The following TBC1D5 variants were observed in gnomAD, a reference collection of about 807,000 sequenced individuals.
TBC1D5 encodes the protein TBC1 domain family member 5.
TBC1D5 carries 75 observed loss-of-function variants against 100.3 expected under a neutral mutation model. The observed-to-expected ratio is 0.75, with a 90% confidence interval of 0.62 to 0.91. TBC1D5 has a LOEUF of 0.91. Among genes scored for constraint, TBC1D5 ranks in the 40% least tolerant of loss-of-function variants. The pLI is 0.00. For missense variants in TBC1D5, 910 were observed against 942.4 expected (o/e 0.97, Z 0.45); for synonymous variants, 323 against 325.6 (o/e 0.99, Z 0.09).
chr3:17,220,868 A>G (rs1028977436), intron 17 of TBC1D5, among the ~76,000 whole-genome samples: 1 of 152,160 alleles, frequency 6.6e-6, no homozygotes. Context: ...TTTGATTCAC[A>G]AGGCTTTTTG....
Position 17,721,460 on chromosome 3 carries a change from T to C in TBC1D5, c.-101+17883A>G, listed in dbSNP as rs199674336. On this transcript the variant is annotated intron_variant, in intron 1 of 21. Transcript: ENST00000253692. ...ACAGAAAAGTAAGTGTGTGAGAGCA[T>C]GTGTGTGTGTGTGTGTGTGTGTGTG... 1.3e-3 allele frequency among the ~76,000 whole-genome samples: 32 copies of C among 25,226 alleles called. No homozygotes were observed. The East Asian group carries it at 0.35, about 273-fold the overall frequency. 16.5% of individuals were successfully genotyped at this position (25,226 alleles called of 152,430 possible).
chr3:17,440,427 A>G (rs1018655755), intron 3 of TBC1D5, among the ~76,000 whole-genome samples: 6 of 152,082 alleles, frequency 3.9e-5, no homozygotes, highest in African/African-American at 1.4e-4. Flanking sequence ...GGAGTTTGAG[A>G]CCAGCCTGGG....
At chr3:17,160,556 C>T (rs759516840) in exon 22 of TBC1D5, 7 of 169,412 alleles carry the variant, frequency 4.1e-5, no homozygotes, top group Non-Finnish European at 6.4e-5. Flanking sequence ...ATAGAAGATA[C>T]GAAAATAACT....
intron 2 of TBC1D5, among the ~76,000 whole-genome samples, chr3:17,581,295 C>A (rs2096694436): frequency 6.6e-6 from 1 of 152,198 alleles, no homozygotes. Flanking sequence ...AGTATTTCTT[C>A]ATAGCAGTAT....
intron 1 of TBC1D5, among the ~76,000 whole-genome samples, chr3:17,689,038 T>C (rs1210487263): frequency 2.0e-5 from 3 of 152,216 alleles, no homozygotes; most frequent in Non-Finnish European, 4.4e-5. Context: ...TTACCATTAA[T>C]AGAGTCTCAT....
At chr3:17,508,267 T>A (rs2095864219) in intron 3 of TBC1D5, among the ~76,000 whole-genome samples, 1 of 152,240 alleles carries the variant, frequency 6.6e-6, no homozygotes, top group African/African-American at 2.4e-5. Flanking sequence ...AACATTTGGC[T>A]AATGCTTCCA....
intron 2 of TBC1D5, among the ~76,000 whole-genome samples, chr3:17,518,664 G>A (rs1439068220): frequency 6.6e-6 from 1 of 152,238 alleles, no homozygotes; most frequent in Non-Finnish European, 1.5e-5. Flanking sequence ...ACAAAAGGCT[G>A]TCACACTGAT....
intron 16 of TBC1D5, among the ~76,000 whole-genome samples, chr3:17,256,278 A>G (rs1176147436): frequency 6.6e-6 from 1 of 151,754 alleles, no homozygotes; most frequent in Non-Finnish European, 1.5e-5. Flanking sequence ...TTCAATTACT[A>G]CATTTTATTT....
chr3:17,369,514 C>T (rs2092353855), intron 13 of TBC1D5, among the ~76,000 whole-genome samples: 1 of 152,098 alleles, frequency 6.6e-6, no homozygotes, highest in African/African-American at 2.4e-5. Context: ...GCCTATGCTT[C>T]TATCTACCGT....
At chr3:17,314,378 C>T (rs2084407637) in intron 13 of TBC1D5, among the ~76,000 whole-genome samples, 1 of 152,112 alleles carries the variant, frequency 6.6e-6, no homozygotes, top group African/African-American at 2.4e-5. Flanking sequence ...CCTGGGCTTC[C>T]CCTATCTCTC....
At chr3:17,325,894 A>G (rs1005631113) in intron 13 of TBC1D5, among the ~76,000 whole-genome samples, 1 of 152,188 alleles carries the variant, frequency 6.6e-6, no homozygotes. Context: ...AATGACCTAT[A>G]CAGGAAAATT....
intron 13 of TBC1D5, among the ~76,000 whole-genome samples, chr3:17,368,046 A>G: frequency 2.0e-5 from 3 of 152,244 alleles, no homozygotes; most frequent in Non-Finnish European, 4.4e-5. Context: ...TATTTAACCT[A>G]AAATACAGGT....
At chr3:17,224,723 T>C (rs1032399020) in intron 17 of TBC1D5, among the ~76,000 whole-genome samples, 2 of 152,188 alleles carry the variant, frequency 1.3e-5, no homozygotes, top group African/African-American at 4.8e-5. Flanking sequence ...TATCAATTCT[T>C]TACTGTATGA....
intron 1 of TBC1D5, among the ~76,000 whole-genome samples, chr3:17,709,814 A>T (rs913546587): frequency 2.0e-5 from 3 of 152,318 alleles, no homozygotes; most frequent in East Asian, 3.9e-4. Flanking sequence ...CCAAGTACAA[A>T]AAAGTCATGT....
At chr3:17,700,620 A>T (rs2073012480) in intron 1 of TBC1D5, among the ~76,000 whole-genome samples, 1 of 152,206 alleles carries the variant, frequency 6.6e-6, no homozygotes, top group East Asian at 1.9e-4. Context: ...AAAGAACTCA[A>T]ACAAATTTAC....
chr3:17,688,672 C>T (rs1445695015), intron 1 of TBC1D5, among the ~76,000 whole-genome samples: 2 of 152,192 alleles, frequency 1.3e-5, no homozygotes, highest in Admixed American at 6.5e-5. Flanking sequence ...CTAGCATTCA[C>T]ATATCACGTT....
chr3:17,189,308 G>C (rs1401844204), intron 18 of TBC1D5, among the ~76,000 whole-genome samples: 1 of 152,148 alleles, frequency 6.6e-6, no homozygotes, highest in African/African-American at 2.4e-5. Flanking sequence ...ATGTAGCTTA[G>C]CCCAGAAAGA....
chr3:17,485,649 T>C (rs1175655232), intron 3 of TBC1D5, among the ~76,000 whole-genome samples: 1 of 152,154 alleles, frequency 6.6e-6, no homozygotes, highest in African/African-American at 2.4e-5. Context: ...ATTTCATCCC[T>C]GTCCCTACAA....
intron 13 of TBC1D5, among the ~76,000 whole-genome samples, chr3:17,320,538 G>C (rs1473233079): frequency 1.3e-5 from 2 of 152,262 alleles, no homozygotes; most frequent in South Asian, 2.1e-4. Flanking sequence ...GCTACAGGGA[G>C]GACTCCTTTC....
Sources: allele counts gnomAD v4.1 joint callset (sites outside exome capture counted in the v4.1 genomes callset), GRCh38; gene constraint gnomAD v4.1.1; transcripts MANE v1.5; gene names NCBI Gene and HGNC (gene_info 2026-07-23, HGNC 2026-07-21).